The following LSM14A variants were observed in gnomAD, a reference collection of about 807,000 sequenced individuals.
The protein encoded by LSM14A is protein LSM14 homolog A.
In LSM14A, 14 loss-of-function variants were observed where a neutral mutation model predicts 52.4. That is an observed-to-expected ratio of 0.27 (90% CI 0.18 to 0.42). The LOEUF (loss-of-function observed/expected upper bound fraction) is 0.42. Among genes scored for constraint, LSM14A ranks in the 10% least tolerant of loss-of-function variants. The probability of loss-of-function intolerance (pLI) is 1.00; values close to 1 mark genes in which losing one functional copy is unlikely to be tolerated. For synonymous variants in LSM14A, 185 were observed against 200.3 expected, an observed-to-expected ratio of 0.92 and a Z score of 0.64; for missense variants, 417 against 581.8, an observed-to-expected ratio of 0.72 and a Z score of 2.91.
Position 34,172,681 on chromosome 19 carries a change from C to T in LSM14A, c.39C>T (p.Ser13=), listed in dbSNP as rs751803961. 10 of 1,581,360 alleles carry T rather than the reference C, an allele frequency of 6.3e-6. No individual in the cohort carries two copies. The South Asian group carries it at 1.1e-4, about 18-fold the overall frequency. ...GGTPYIGSKI[S]LISKAEIRYE... ...CCCCTTACATCGGCAGCAAGATCAG[C>T]CTCATCTCCAAGGCGGAGATCCGCT... The change falls in exon 1 of 10, where the codon AGC becomes AGT. Residue 13 remains serine, a synonymous_variant. Coordinates refer to ENST00000544216, the MANE Select transcript of LSM14A (RefSeq NM_015578.4).
intron 1 of LSM14A, among the ~76,000 whole-genome samples, chr19:34,185,850 G>C (rs1431028804): frequency 2.6e-5 from 4 of 152,178 alleles, no homozygotes; most frequent in Non-Finnish European, 5.9e-5. Flanking sequence ...TTGGTTTCCT[G>C]GTTTGCTGCT....
At chr19:34,224,270 G>T (rs2073224452) in intron 9 of LSM14A, among the ~76,000 whole-genome samples, 1 of 152,200 alleles carries the variant, frequency 6.6e-6, no homozygotes, top group Non-Finnish European at 1.5e-5. Context: ...GGCAGAGGTT[G>T]CAGTGAGCCG....
chr19:34,207,924 G>C (rs1228992231), intron 3 of LSM14A, among the ~76,000 whole-genome samples: 1 of 152,152 alleles, frequency 6.6e-6, no homozygotes, highest in Non-Finnish European at 1.5e-5. Context: ...ACCATGTGAA[G>C]TGAGTAATGG....
intron 1 of LSM14A, among the ~76,000 whole-genome samples, chr19:34,190,133 T>C (rs1459955709): frequency 1.3e-5 from 2 of 152,204 alleles, no homozygotes; most frequent in Non-Finnish European, 2.9e-5. Flanking sequence ...TCCTTTCTAC[T>C]GTTAATGTTC....
intron 1 of LSM14A, among the ~76,000 whole-genome samples, chr19:34,190,978 T>A (rs977194681): frequency 6.6e-6 from 1 of 152,126 alleles, no homozygotes; most frequent in African/African-American, 2.4e-5. Context: ...ATATCTTTAA[T>A]TATATTTTTC....
intron 1 of LSM14A, among the ~76,000 whole-genome samples, chr19:34,191,274 A>C (rs566843125): frequency 6.6e-6 from 1 of 151,850 alleles, no homozygotes; most frequent in South Asian, 2.1e-4. Context: ...TTTCTTGTGA[A>C]TGTCGAAGCA....
chr19:34,187,280 ATT>A (rs755185854), intron 1 of LSM14A, among the ~76,000 whole-genome samples: 1 of 145,752 alleles, frequency 6.9e-6, no homozygotes, highest in Non-Finnish European at 1.5e-5. Flanking sequence ...GCTTTGGGAA[ATT>A]TTTTTTTTTT....
At position 34,215,248 on chromosome 19, in the gene LSM14A, G is replaced by A. The variant is rs543705839; in HGVS notation, c.663G>A (p.Arg221=). The change falls in exon 5 of 10, where the codon AGG becomes AGA. Residue 221 remains arginine, a synonymous_variant. Coordinates refer to ENST00000544216, the MANE Select transcript of LSM14A (RefSeq NM_015578.4). ...GGAGAAGGAGTCCTGTATCAACCAG[G>A]CCTTTGCCATCTGCCAGCCAAAAGG... ...AVGRRSPVST[R]PLPSASQKAG... 6.2e-7 allele frequency: 1 copy of A among 1,614,034 alleles called. No individual in the cohort carries two copies. Among genetic ancestry groups the A allele is most frequent in the Admixed American group, 1.7e-5 (1 of 59,966 alleles).
Position 34,221,645 on chromosome 19 carries a change from T to G in LSM14A, c.1275T>G (p.Gly425=), listed in dbSNP as rs780535518. Residue 425 remains glycine, a synonymous_variant, in exon 9 of 10, where the codon GGT becomes GGG. Coordinates refer to ENST00000544216, the MANE Select transcript of LSM14A (RefSeq NM_015578.4). ...LGFRGGRGRG[G]GRGGTFTAPR... is the part of the protein sequence containing the mutation. ...TCCGTGGTGGCAGAGGGCGTGGTGG[T>G]GGCAGAGGTGGTACCTTCACTGCCC... 1.9e-6 allele frequency: 3 copies of G among 1,613,970 alleles called. No individual in the cohort carries two copies. The highest frequency in any genetic ancestry group is 2.5e-6 in the Non-Finnish European group (3 of 1,180,030).
chr19:34,211,919 C>T (rs569001764), intron 4 of LSM14A, among the ~76,000 whole-genome samples: 2 of 152,006 alleles, frequency 1.3e-5, no homozygotes, highest in Admixed American at 6.6e-5. Context: ...TTAAAATAAA[C>T]ATGGAAGTGT....
intron 1 of LSM14A, among the ~76,000 whole-genome samples, chr19:34,187,070 T>G (rs999121802): frequency 4.2e-5 from 5 of 120,150 alleles, no homozygotes; most frequent in African/African-American, 1.5e-4. Flanking sequence ...AAACCCAGTC[T>G]CTAATTTAAA....
intron 1 of LSM14A, 114 bp from the exon 2 acceptor site, chr19:34,194,364 T>A: frequency 2.0e-6 from 2 of 995,426 alleles, no homozygotes; most frequent in Non-Finnish European, 3.0e-6. Flanking sequence ...ATGAATACTT[T>A]CTCAGACATT....
At chr19:34,227,169 G>A (rs1288262123) in intron 9 of LSM14A, among the ~76,000 whole-genome samples, 196 bp from the exon 10 acceptor site, 1 of 152,174 alleles carries the variant, frequency 6.6e-6, no homozygotes, top group Non-Finnish European at 1.5e-5. Flanking sequence ...ACTGGAAGAT[G>A]CAGTCAACAA....
At chr19:34,182,608 C>G (rs917746923) in intron 1 of LSM14A, among the ~76,000 whole-genome samples, 3 of 148,354 alleles carry the variant, frequency 2.0e-5, no homozygotes, top group African/African-American at 7.5e-5. Flanking sequence ...GAGGCCAAGG[C>G]GGGCAGATCA....
chr19:34,185,698 A>G (rs571610175), intron 1 of LSM14A, among the ~76,000 whole-genome samples: 1 of 152,348 alleles, frequency 6.6e-6, no homozygotes, highest in Middle Eastern at 3.4e-3. Flanking sequence ...AAATCCATAT[A>G]TAATACCTTA....
At chr19:34,174,140 G>A (rs1262366931) in intron 1 of LSM14A, among the ~76,000 whole-genome samples, 4 of 152,124 alleles carry the variant, frequency 2.6e-5, no homozygotes, top group Admixed American at 2.6e-4. Flanking sequence ...GTAGAGACGG[G>A]GTTTCACCAT....
At chr19:34,199,451 T>G (rs1428821255) in intron 3 of LSM14A, among the ~76,000 whole-genome samples, 2 of 152,138 alleles carry the variant, frequency 1.3e-5, no homozygotes, top group African/African-American at 4.8e-5. Flanking sequence ...TCTTAAACTG[T>G]TTTGTATGTA....
intron 1 of LSM14A, among the ~76,000 whole-genome samples, chr19:34,192,055 G>T (rs754246754): frequency 6.6e-6 from 1 of 152,058 alleles, no homozygotes; most frequent in Non-Finnish European, 1.5e-5. Flanking sequence ...TATGGATTCT[G>T]GGGTTGGTCT....
chr19:34,192,319 G>GTTGTTTTTTTTTTTTTTTTT (rs60512063), intron 1 of LSM14A, among the ~76,000 whole-genome samples: 25 of 53,400 alleles, frequency 4.7e-4, no homozygotes, highest in African/African-American at 1.8e-3. Context: ...TCTTTTTGTT[G>GTTGTTTTTTTTTTTTTTTTT]TTTTTTTTTT....
Sources: allele counts gnomAD v4.1 joint callset (sites outside exome capture counted in the v4.1 genomes callset), GRCh38; gene constraint gnomAD v4.1.1; transcripts MANE v1.5; gene names NCBI Gene and HGNC (gene_info 2026-07-23, HGNC 2026-07-21).